The following RNF150 variants were observed in gnomAD, a reference collection of about 807,000 sequenced individuals.
RNF150 encodes the protein ring finger protein 150.
Under a neutral mutation model 39.3 loss-of-function variants are expected in RNF150, and 24 were observed. The observed-to-expected ratio is 0.61, with a 90% confidence interval of 0.44 to 0.86. The LOEUF (loss-of-function observed/expected upper bound fraction) is 0.86, where lower values mean the gene tolerates loss of function less well. Ranked by LOEUF, RNF150 falls within the 40% of genes least tolerant of loss-of-function variation. The pLI is 0.00. For missense variants in RNF150, 502 were observed against 587.8 expected (o/e 0.85, Z 1.51); for synonymous variants, 255 against 227.3 (o/e 1.12, Z -1.10).
chr4:140,913,131 C>T (rs757118867), intron 5 of RNF150, among the ~76,000 whole-genome samples: 16 of 152,016 alleles, frequency 1.1e-4, no homozygotes, highest in African/African-American at 3.1e-4. Context: ...TGTGGTGGTG[C>T]GCACCTGTAG....
At chr4:140,939,646 GTGTGTGTGTGTGTGTT>G (rs1390716236) in intron 4 of RNF150, among the ~76,000 whole-genome samples, 10 of 129,320 alleles carry the variant, frequency 7.7e-5, no homozygotes, top group East Asian at 2.9e-4. Context: ...GTGTGTGTGT[GTGTGTGTGTGTGTGTT>G]TGAGTGATGA....
At chr4:141,183,156 A>T (rs913337496) in intron 1 of RNF150, among the ~76,000 whole-genome samples, 2 of 151,770 alleles carry the variant, frequency 1.3e-5, no homozygotes, top group Non-Finnish European at 2.9e-5. Context: ...GCAGTGGCTC[A>T]TTATGGTTAT....
intron 1 of RNF150, among the ~76,000 whole-genome samples, chr4:141,084,376 T>C (rs554531121): frequency 6.6e-6 from 1 of 152,300 alleles, no homozygotes; most frequent in South Asian, 2.1e-4. Context: ...TTTTACCCTT[T>C]TTAAAAGAGG....
chr4:140,998,448 C>A (rs1734463358), intron 1 of RNF150, among the ~76,000 whole-genome samples: 2 of 152,228 alleles, frequency 1.3e-5, no homozygotes, highest in Non-Finnish European at 1.5e-5. Flanking sequence ...GAAGCCAACT[C>A]TGCTGGAAAC....
chr4:141,006,266 A>T (rs865908159), intron 1 of RNF150, among the ~76,000 whole-genome samples: 3 of 148,690 alleles, frequency 2.0e-5, no homozygotes, highest in African/African-American at 7.6e-5. Context: ...ATATACGTAT[A>T]TATATACATA....
chr4:141,006,669 C>G (rs1212893056), intron 1 of RNF150, among the ~76,000 whole-genome samples: 1 of 152,176 alleles, frequency 6.6e-6, no homozygotes, highest in Non-Finnish European at 1.5e-5. Context: ...TAAAGAAGGG[C>G]CTCTGAATTT....
chr4:140,938,048 C>T (rs976414394), intron 4 of RNF150, among the ~76,000 whole-genome samples: 10 of 152,168 alleles, frequency 6.6e-5, no homozygotes, highest in Non-Finnish European at 1.5e-4. Flanking sequence ...TTGTTTTCGA[C>T]TTCACGAGTT....
chr4:140,980,717 A>G (rs1470704405), intron 1 of RNF150, among the ~76,000 whole-genome samples: 3 of 152,054 alleles, frequency 2.0e-5, no homozygotes, highest in Non-Finnish European at 4.4e-5. Context: ...CATGTGAAGA[A>G]CGTGTTTGCT....
intron 1 of RNF150, among the ~76,000 whole-genome samples, chr4:141,148,451 C>CT (rs948807685): frequency 6.7e-5 from 10 of 148,590 alleles, no homozygotes; most frequent in Non-Finnish European, 9.0e-5. Flanking sequence ...AAGCTTTTCA[C>CT]TTTTTTTTTT....
At chr4:141,097,855 C>T (rs1056155390) in intron 1 of RNF150, among the ~76,000 whole-genome samples, 3 of 151,918 alleles carry the variant, frequency 2.0e-5, no homozygotes, top group Non-Finnish European at 2.9e-5. Context: ...ATATATGGCA[C>T]GCAAACATTT....
At chr4:141,203,881 T>C (rs553325191) in intron 1 of RNF150, among the ~76,000 whole-genome samples, 2 of 151,772 alleles carry the variant, frequency 1.3e-5, no homozygotes, top group Non-Finnish European at 2.9e-5. Flanking sequence ...AAAAAAAAAG[T>C]TCTTCTCTAG....
chr4:140,928,151 T>C (rs1193514792), intron 4 of RNF150, among the ~76,000 whole-genome samples: 1 of 149,958 alleles, frequency 6.7e-6, no homozygotes, highest in Non-Finnish European at 1.5e-5. Context: ...TTTGGCTCCT[T>C]CCGTCAGGAA....
intron 1 of RNF150, among the ~76,000 whole-genome samples, chr4:140,979,816 A>G (rs1213519495): frequency 6.6e-6 from 1 of 152,126 alleles, no homozygotes; most frequent in East Asian, 1.9e-4. Context: ...TTGGTCAATG[A>G]ACGGAAACTC....
intron 1 of RNF150, among the ~76,000 whole-genome samples, chr4:141,090,915 A>G (rs768526105): frequency 2.0e-5 from 3 of 152,234 alleles, no homozygotes; most frequent in Non-Finnish European, 2.9e-5. Context: ...AGCTACAGAT[A>G]CTATAAGAAG....
intron 5 of RNF150, among the ~76,000 whole-genome samples, chr4:140,920,059 C>T (rs13135473): frequency 0.34 from 51,549 of 150,498 alleles, 9,280 homozygotes; most frequent in East Asian, 0.73. Flanking sequence ...AAGACTTAAA[C>T]GTTAGACCTA....
At chr4:140,916,726 A>G (rs555546500) in intron 5 of RNF150, among the ~76,000 whole-genome samples, 152 of 152,314 alleles carry the variant, frequency 1.0e-3, no homozygotes, top group African/African-American at 3.5e-3. Flanking sequence ...GAGCAACTCC[A>G]AGACACGTAA....
chr4:140,899,614 C>A (rs1730098218), intron 6 of RNF150, among the ~76,000 whole-genome samples: 1 of 152,006 alleles, frequency 6.6e-6, no homozygotes. Flanking sequence ...GACTCTCATC[C>A]TGATGTCCTG....
chr4:140,945,553 A>G (rs1192489479), intron 4 of RNF150, among the ~76,000 whole-genome samples: 1 of 148,196 alleles, frequency 6.7e-6, no homozygotes, highest in Non-Finnish European at 1.5e-5. Flanking sequence ...TATATACACT[A>G]CATATATATA....
chr4:140,911,370 AAG>A lies in RNF150; in HGVS notation c.988-18_988-17del, dbSNP rs1560961229. 2 of 1,610,520 alleles carry A rather than the reference AAG, an allele frequency of 1.2e-6. No individual in the cohort carries two copies. Among genetic ancestry groups the A allele is most frequent in the African/African-American group, 2.7e-5 (2 of 74,968 alleles). On this transcript the variant is annotated splice_polypyrimidine_tract_variant and intron_variant, in intron 5 of 6. Transcript: ENST00000515673. ...CGGCATTGGGCTGATGGGGCAGAAA[AAG>A]ATCTGTTCTCAGTACATGTCATCCA...
Sources: allele counts gnomAD v4.1 joint callset (sites outside exome capture counted in the v4.1 genomes callset), GRCh38; gene constraint gnomAD v4.1.1; transcripts MANE v1.5; gene names NCBI Gene and HGNC (gene_info 2026-07-23, HGNC 2026-07-21).